GRIA4: variants seen among roughly 807,000 people sequenced by gnomAD.
The protein encoded by GRIA4 is glutamate ionotropic receptor AMPA type subunit 4, also known as glutamate receptor 4.
A neutral mutation model predicts 104.0 loss-of-function variants in GRIA4; 34 were observed. That is an observed-to-expected ratio of 0.33 (90% CI 0.25 to 0.44). The LOEUF (loss-of-function observed/expected upper bound fraction) is 0.44. GRIA4 is among the 20% of genes least tolerant of loss of function. The pLI, the probability that GRIA4 is intolerant of heterozygous loss-of-function variation, is 1.00. For synonymous variants in GRIA4, 386 were observed against 381.9 expected (o/e 1.01, Z -0.13); for missense variants, 750 against 1,096.5 (o/e 0.68, Z 4.46).
chr11:105,639,997 A>C (rs1390688968), intron 3 of GRIA4, among the ~76,000 whole-genome samples: 1 of 151,930 alleles, frequency 6.6e-6, no homozygotes, highest in Non-Finnish European at 1.5e-5. Flanking sequence ...CATACTTGTA[A>C]TGATTTTTTA....
At chr11:105,653,424 C>G (rs1439188078) in intron 3 of GRIA4, among the ~76,000 whole-genome samples, 1 of 152,260 alleles carries the variant, frequency 6.6e-6, no homozygotes. Flanking sequence ...GCAGCATGCA[C>G]AGCATGGTGA....
intron 3 of GRIA4, among the ~76,000 whole-genome samples, chr11:105,710,015 T>A (rs1363198876): frequency 1.3e-5 from 2 of 152,262 alleles, no homozygotes; most frequent in East Asian, 3.9e-4. Context: ...ATCCACTAAT[T>A]TAAGATTCTC....
Position 105,753,042 on chromosome 11 carries a change from A to T in GRIA4, c.309A>T (p.Val103=), listed in dbSNP as rs1940096290. 2 of 1,612,512 alleles carry T rather than the reference A, an allele frequency of 1.2e-6. No homozygotes were observed. Among genetic ancestry groups the T allele is most frequent in the African/African-American group, 2.7e-5 (2 of 75,012 alleles). The change falls in exon 4 of 17, where the codon GTA becomes GTT. Residue 103 remains valine (V), a synonymous_variant. Coordinates refer to ENST00000282499, the MANE Select transcript of GRIA4 (RefSeq NM_000829.4). ...AIFGLYDKRS[V]HTLTSFCSAL... ...TTGGACTCTATGATAAGAGGTCGGT[A>T]CATACCTTGACCTCATTCTGCAGCG...
chr11:105,873,081 C>T (rs1022594277), intron 5 of GRIA4, among the ~76,000 whole-genome samples: 2 of 152,096 alleles, frequency 1.3e-5, no homozygotes, highest in African/African-American at 4.8e-5. Context: ...ACTAGCCCCC[C>T]ACTCCCTGAC....
At chr11:105,953,815 A>T (rs964864479) in intron 14 of GRIA4, among the ~76,000 whole-genome samples, 112 of 147,776 alleles carry the variant, frequency 7.6e-4, no homozygotes, top group African/African-American at 3.3e-4. Flanking sequence ...ACAAACAAAT[A>T]AAAAAAAAAG....
At chr11:105,885,043 T>C (rs1379135287) in intron 5 of GRIA4, among the ~76,000 whole-genome samples, 2 of 152,126 alleles carry the variant, frequency 1.3e-5, no homozygotes, top group Non-Finnish European at 2.9e-5. Context: ...GTATAGTGAA[T>C]CAGCAAGAGA....
At chr11:105,957,106 T>G (rs1162375007) in intron 14 of GRIA4, among the ~76,000 whole-genome samples, 4 of 152,214 alleles carry the variant, frequency 2.6e-5, no homozygotes, top group Non-Finnish European at 4.4e-5. Context: ...AGAAGCTCTT[T>G]AGTTTAATTA....
At chr11:105,783,467 G>C (rs1405965942) in intron 4 of GRIA4, among the ~76,000 whole-genome samples, 1 of 152,148 alleles carries the variant, frequency 6.6e-6, no homozygotes, top group African/African-American at 2.4e-5. Context: ...GGATAATTCT[G>C]AATTCCTTTC....
chr11:105,917,815 G>GGTGTGTGTTTAAGGGTGTGT (rs1947451304), intron 10 of GRIA4, among the ~76,000 whole-genome samples: 3 of 142,690 alleles, frequency 2.1e-5, no homozygotes, highest in African/African-American at 5.2e-5. Flanking sequence ...TTGGTTTAAG[G>GGTGTGTGTTTAAGGGTGTGT]GTGTGTGTGT....
intron 5 of GRIA4, among the ~76,000 whole-genome samples, chr11:105,878,289 T>G (rs1376439605): frequency 2.6e-5 from 4 of 152,174 alleles, no homozygotes. Context: ...CTCTGGAAGC[T>G]TCATCCCAAA....
At chr11:105,741,857 G>C (rs895866513) in intron 3 of GRIA4, among the ~76,000 whole-genome samples, 2 of 152,140 alleles carry the variant, frequency 1.3e-5, no homozygotes, top group African/African-American at 4.8e-5. Flanking sequence ...CCAGGCACAG[G>C]AAGGAGGACA....
intron 3 of GRIA4, among the ~76,000 whole-genome samples, chr11:105,682,121 G>A (rs1952729982): frequency 6.6e-6 from 1 of 152,112 alleles, no homozygotes; most frequent in South Asian, 2.1e-4. Context: ...AATTTCACAT[G>A]TGGTTCACAT....
intron 5 of GRIA4, among the ~76,000 whole-genome samples, chr11:105,868,083 A>T (rs1471261305): frequency 6.6e-6 from 1 of 152,210 alleles, no homozygotes. Flanking sequence ...TGGCTTCAGA[A>T]ACAGAGATAT....
chr11:105,635,855 T>C (rs1951188249), intron 3 of GRIA4, among the ~76,000 whole-genome samples: 1 of 152,236 alleles, frequency 6.6e-6, no homozygotes, highest in African/African-American at 2.4e-5. Context: ...AACTGTTTTC[T>C]ATAAATCTTA....
At chr11:105,958,584 GT>G (rs1948651856) in intron 14 of GRIA4, among the ~76,000 whole-genome samples, 1 of 151,280 alleles carries the variant, frequency 6.6e-6, no homozygotes. Context: ...CTTTTTTTTT[GT>G]TGTGTCTCTG....
chr11:105,782,961 C>G (rs1345750367), intron 4 of GRIA4, among the ~76,000 whole-genome samples: 1 of 152,148 alleles, frequency 6.6e-6, no homozygotes, highest in Non-Finnish European at 1.5e-5. Context: ...CATACATACA[C>G]ACACAAACAA....
At chr11:105,837,411 A>G (rs1944233476) in intron 4 of GRIA4, among the ~76,000 whole-genome samples, 1 of 152,176 alleles carries the variant, frequency 6.6e-6, no homozygotes, top group South Asian at 2.1e-4. Context: ...GGAGTCAATG[A>G]CATTGGAAAA....
intron 9 of GRIA4, 78 bp from the exon 10 acceptor site, chr11:105,910,357 C>T: frequency 1.4e-6 from 1 of 711,088 alleles, no homozygotes; most frequent in Non-Finnish European, 2.6e-6. Context: ...CTTACCTATT[C>T]ATACCCTTCA....
chr11:105,746,530 G>C (rs1454723283), intron 3 of GRIA4, among the ~76,000 whole-genome samples: 1 of 151,862 alleles, frequency 6.6e-6, no homozygotes, highest in Non-Finnish European at 1.5e-5. Flanking sequence ...GCACTATCAG[G>C]ATTGACAAGT....
Sources: allele counts gnomAD v4.1 joint callset (sites outside exome capture counted in the v4.1 genomes callset), GRCh38; gene constraint gnomAD v4.1.1; transcripts MANE v1.5; gene names NCBI Gene and HGNC (gene_info 2026-07-23, HGNC 2026-07-21).